AUTS2: variants seen among roughly 807,000 people sequenced by gnomAD.
The protein encoded by AUTS2 is activator of transcription and developmental regulator AUTS2.
In AUTS2, 17 loss-of-function variants were observed where a neutral mutation model predicts 112.4. That is an observed-to-expected ratio of 0.15 (90% CI 0.10 to 0.23). The LOEUF is 0.23. Among genes scored for constraint, AUTS2 ranks in the 10% least tolerant of loss-of-function variants. The pLI is 1.00. For synonymous variants in AUTS2, 751 were observed against 702.7 expected, an observed-to-expected ratio of 1.07 and a Z score of -1.09; for missense variants, 1,510 against 1,701.6, an observed-to-expected ratio of 0.89 and a Z score of 1.98.
intron 2 of AUTS2, among the ~76,000 whole-genome samples, chr7:69,955,578 G>A (rs2129546407): frequency 6.6e-6 from 1 of 152,286 alleles, no homozygotes; most frequent in South Asian, 2.1e-4. Context: ...CCGCTCAGTG[G>A]CAGAGGGCTG....
chr7:70,664,537 T>G (rs953964188), intron 5 of AUTS2, among the ~76,000 whole-genome samples: 1 of 152,218 alleles, frequency 6.6e-6, no homozygotes, highest in African/African-American at 2.4e-5. Flanking sequence ...TATTTAATCA[T>G]TAGGCAGTTT....
At chr7:69,959,964 C>T (rs1229558162) in intron 2 of AUTS2, among the ~76,000 whole-genome samples, 8 of 152,046 alleles carry the variant, frequency 5.3e-5, no homozygotes, top group Non-Finnish European at 1.2e-4. Flanking sequence ...AGGTCTGCCA[C>T]AGCTCTAGGC....
At chr7:70,642,199 T>C (rs1805871098) in intron 5 of AUTS2, among the ~76,000 whole-genome samples, 1 of 152,236 alleles carries the variant, frequency 6.6e-6, no homozygotes, top group Non-Finnish European at 1.5e-5. Context: ...GATTTGCATT[T>C]TTGGTATAAT....
chr7:69,908,777 A>G (rs1795245170), intron 2 of AUTS2, among the ~76,000 whole-genome samples: 1 of 152,194 alleles, frequency 6.6e-6, no homozygotes, highest in Non-Finnish European at 1.5e-5. Context: ...ATTGCTGGTG[A>G]TGGTTCTGAG....
intron 1 of AUTS2, among the ~76,000 whole-genome samples, chr7:69,664,322 T>C: frequency 6.6e-6 from 1 of 152,210 alleles, no homozygotes; most frequent in East Asian, 1.9e-4. Context: ...AGGAGCTTAG[T>C]ATGCATATTT....
chr7:69,621,571 T>C (rs1325752125), intron 1 of AUTS2, among the ~76,000 whole-genome samples: 1 of 152,238 alleles, frequency 6.6e-6, no homozygotes, highest in Non-Finnish European at 1.5e-5. Flanking sequence ...TTTAGGTCAC[T>C]GCTTTTTCTC....
chr7:70,092,404 C>T (rs749954404), intron 2 of AUTS2, among the ~76,000 whole-genome samples: 23 of 152,068 alleles, frequency 1.5e-4, no homozygotes, highest in African/African-American at 4.8e-4. Flanking sequence ...ATCCTGACCC[C>T]GTGTTAAGTG....
At chr7:70,207,763 G>A (rs905384785) in intron 4 of AUTS2, among the ~76,000 whole-genome samples, 4 of 152,136 alleles carry the variant, frequency 2.6e-5, no homozygotes, top group African/African-American at 9.7e-5. Flanking sequence ...TGTATTCCCA[G>A]CACTTTGGGA....
intron 1 of AUTS2, among the ~76,000 whole-genome samples, chr7:69,662,676 T>A (rs996551333): frequency 1.3e-5 from 2 of 152,220 alleles, no homozygotes; most frequent in Non-Finnish European, 2.9e-5. Flanking sequence ...TGAGGGCACA[T>A]TTAGCTTGTT....
intron 1 of AUTS2, among the ~76,000 whole-genome samples, chr7:69,877,165 G>A (rs1192909556): frequency 1.3e-5 from 2 of 152,128 alleles, no homozygotes; most frequent in Non-Finnish European, 2.9e-5. Context: ...GGGTATATAG[G>A]CCTTGATTTA....
At position 70,004,917 on chromosome 7, in the gene AUTS2, C is replaced by A. The variant is rs540268143; in HGVS notation, c.522+105419C>A. 2.0e-5 allele frequency among the ~76,000 whole-genome samples: 3 copies of A among 151,840 alleles called. No homozygotes were observed. In the East Asian group the frequency reaches 5.8e-4, roughly 29 times the overall value. The stretch of plus-strand genomic sequence containing the variant: ...TCGGTTCACTGCAACTTCTGCCTCC[C>A]GGGTTTGAGTAATTCTCCTGCCTCA... On this transcript the variant is annotated intron_variant, in intron 2 of 18. Coordinates refer to ENST00000342771, the MANE Select transcript of AUTS2 (RefSeq NM_015570.4).
chr7:69,736,984 G>C lies in AUTS2; in HGVS notation c.309+137022G>C, dbSNP rs138964765. ...ACATTTAAAAAAATCCAGATTTAGG[G>C]TTATTCCGGGAAAATCAGAACACCT... On this transcript the variant is annotated intron_variant, in intron 1 of 18. Transcript: ENST00000342771. Among the ~76,000 whole-genome samples, 999 of 152,272 alleles carry C rather than the reference G, an allele frequency of 6.6e-3. 6 individuals are homozygous for C. Among genetic ancestry groups the C allele is most frequent in the Middle Eastern group, 0.017 (5 of 294 alleles).
chr7:70,309,707 AAG>A (rs1258985533), intron 4 of AUTS2, among the ~76,000 whole-genome samples: 1 of 152,226 alleles, frequency 6.6e-6, no homozygotes, highest in Non-Finnish European at 1.5e-5. Context: ...TCTTTAAAAA[AAG>A]AGATTATGAA....
intron 4 of AUTS2, among the ~76,000 whole-genome samples, chr7:70,391,837 T>C (rs1331902611): frequency 3.3e-5 from 5 of 152,170 alleles, no homozygotes; most frequent in African/African-American, 9.7e-5. Context: ...TCGCCTGTGT[T>C]GGGAAGCACA....
chr7:70,318,690 G>T (rs985729896), intron 4 of AUTS2, among the ~76,000 whole-genome samples: 3 of 152,204 alleles, frequency 2.0e-5, no homozygotes, highest in Admixed American at 6.5e-5. Flanking sequence ...AGGGCTTCTA[G>T]AGGCCCAAGG....
chr7:69,985,602 G>A (rs1798477978), intron 2 of AUTS2, among the ~76,000 whole-genome samples: 1 of 152,124 alleles, frequency 6.6e-6, no homozygotes, highest in African/African-American at 2.4e-5. Context: ...CATTCCCACT[G>A]TCCATCTAGG....
rs191070061 is a variant in AUTS2 at position 70,424,833 on chromosome 7, C to T, written c.661-10919C>T. Among the ~76,000 whole-genome samples, 40 of 152,236 alleles carry T rather than the reference C, an allele frequency of 2.6e-4. 1 individual carries two copies. Among genetic ancestry groups the T allele is most frequent in the East Asian group, 1.2e-3 (6 of 5,168 alleles). On this transcript the variant is annotated intron_variant, in intron 4 of 18. Transcript: ENST00000342771. ...AACTTCTGGGCTCAAGAGATCATCC[C>T]GCCTCAGTCTTCCAAAGTTCTGGGA...
At chr7:69,745,805 G>A (rs752578746) in intron 1 of AUTS2, among the ~76,000 whole-genome samples, 4 of 152,108 alleles carry the variant, frequency 2.6e-5, no homozygotes, top group Non-Finnish European at 4.4e-5. Flanking sequence ...TATTCTGTGT[G>A]GGTTTAGTAG....
chr7:70,608,477 G>T (rs1002783725), intron 5 of AUTS2, among the ~76,000 whole-genome samples: 1 of 152,164 alleles, frequency 6.6e-6, no homozygotes, highest in Non-Finnish European at 1.5e-5. Context: ...AAATGCCTCT[G>T]CCCATAGTGT....
Sources: gnomAD v4.1 joint callset for allele counts (sites outside exome capture counted in the v4.1 genomes callset) on GRCh38, gnomAD v4.1.1 for gene constraint, MANE v1.5 for transcripts, NCBI Gene and HGNC (gene_info 2026-07-23, HGNC 2026-07-21) for gene names.